DZIP1L: variants seen among roughly 807,000 people sequenced by gnomAD.
The protein encoded by DZIP1L is cilium assembly protein DZIP1L.
A neutral mutation model predicts 88.7 loss-of-function variants in DZIP1L; 90 were observed. The observed-to-expected ratio is 1.02, with a 90% confidence interval of 0.86 to 1.21. DZIP1L has a LOEUF of 1.21. DZIP1L is among the 50% of genes most tolerant of loss of function. The pLI, the probability that DZIP1L is intolerant of heterozygous loss-of-function variation, is 0.00. For missense variants in DZIP1L, 932 were observed against 955.8 expected (o/e 0.98, Z 0.33); for synonymous variants, 363 against 372.1 (o/e 0.98, Z 0.28).
intron 9 of DZIP1L, 136 bp from the exon 10 acceptor site, chr3:138,080,756 G>T (rs1262836392): frequency 1.4e-6 from 1 of 735,010 alleles, no homozygotes. Context: ...CTGGAGAGAG[G>T]CAGGACAGAG....
intron 3 of DZIP1L, among the ~76,000 whole-genome samples, chr3:138,096,209 G>T (rs1161406370): frequency 1.3e-5 from 2 of 152,204 alleles, no homozygotes; most frequent in Non-Finnish European, 2.9e-5. Flanking sequence ...TGTGAATAAA[G>T]AGGCCATGAC....
chr3:138,103,714 C>T lies in DZIP1L; in HGVS notation c.258G>A (p.Val86=). ...CAATGATGAGCTGCGCCAGGCGCAGCACCTTGAGCAGTGCCGGGTCCACAG... is the reference window on the plus strand; with the variant it reads ...CAATGATGAGCTGCGCCAGGCGCAGTACCTTGAGCAGTGCCGGGTCCACAG... The part of the protein sequence containing the change: ...GQPVDPALLK[V]LRLAQLIIEY... Residue 86 remains valine (V), a synonymous_variant, in exon 2 of 16, where the codon GTG becomes GTA. Coordinates refer to ENST00000327532, the MANE Select transcript of DZIP1L (RefSeq NM_173543.3). 3 of 1,613,276 alleles carry T rather than the reference C, an allele frequency of 1.9e-6. No individual in the cohort carries two copies. Among genetic ancestry groups the T allele is most frequent in the East Asian group, 2.2e-5 (1 of 44,874 alleles).
chr3:138,109,006 T>C (rs1000875923), intron 1 of DZIP1L, among the ~76,000 whole-genome samples: 1 of 152,180 alleles, frequency 6.6e-6, no homozygotes, highest in Non-Finnish European at 1.5e-5. Context: ...CATTAGGGAT[T>C]GTGGCAAACC....
At chr3:138,080,869 C>A (rs766515558) in intron 9 of DZIP1L, among the ~76,000 whole-genome samples, 3 of 152,172 alleles carry the variant, frequency 2.0e-5, no homozygotes, top group Non-Finnish European at 2.9e-5. Context: ...CCTGGGTTTC[C>A]CCATCTAGAA....
intron 2 of DZIP1L, chr3:138,102,621 G>C (rs1464076839): frequency 2.0e-6 from 3 of 1,463,758 alleles, no homozygotes; most frequent in East Asian, 2.3e-5. Flanking sequence ...CAAACTTGTT[G>C]TTGAGGGTCT....
intron 14 of DZIP1L, 136 bp downstream of exon 14, chr3:138,067,395 A>G: frequency 9.6e-7 from 1 of 1,038,726 alleles, no homozygotes; most frequent in Non-Finnish European, 1.3e-6. Flanking sequence ...ATCCTTTCCA[A>G]GCCAAATAGA....
At position 138,104,005 on chromosome 3, in the gene DZIP1L, AG is replaced by A; in HGVS notation, c.-35del. On this transcript the variant is annotated 5_prime_UTR_variant, in exon 2 of 16. Transcript: ENST00000327532. ...GAAGCCCTGAGCTGACCACCAGAGG[AG>A]GGGGGCACCAAGGCCACGGCAGTAG... 6.3e-7 allele frequency: 1 copy of A among 1,580,312 alleles called. No individual in the cohort carries two copies.
intron 5 of DZIP1L, among the ~76,000 whole-genome samples, chr3:138,089,511 T>G (rs961523977): frequency 6.6e-6 from 1 of 152,238 alleles, no homozygotes; most frequent in African/African-American, 2.4e-5. Flanking sequence ...CTCAGACTTC[T>G]GTATCAGGGA....
intron 5 of DZIP1L, among the ~76,000 whole-genome samples, chr3:138,090,180 TA>T (rs952893934): frequency 6.0e-5 from 9 of 151,242 alleles, no homozygotes; most frequent in Non-Finnish European, 1.2e-4. Flanking sequence ...AATTAAAAAT[TA>T]AAAAAAAGAT....
chr3:138,063,159 C>CT lies in DZIP1L; in HGVS notation c.2143-183dup, dbSNP rs2107725886. ...AAGTCTTCCTGCCTTTGAGAACCTGCTTTAGTGACCTGGGATCAGGGTGAT... is the reference window on the plus strand; with the variant it reads ...AAGTCTTCCTGCCTTTGAGAACCTGCTTTTAGTGACCTGGGATCAGGGTGAT... On this transcript the variant is annotated intron_variant, in intron 15 of 15. Transcript: ENST00000327532. The surrounding 1 kb of genome is among the most constrained non-coding windows in gnomAD (Gnocchi z 4.1). Among the ~76,000 whole-genome samples the CT allele has an allele frequency of 6.6e-6, 1 of 152,290 alleles. No individual in the cohort carries two copies. The highest frequency in any genetic ancestry group is 2.1e-4 in the South Asian group (1 of 4,830).
rs753109957 is a variant in DZIP1L at position 138,067,493 on chromosome 3, G to A, written c.2002+38C>T. 53 of 1,547,864 alleles carry A rather than the reference G, an allele frequency of 3.4e-5. No homozygotes were observed. In the Middle Eastern group the frequency reaches 6.6e-4, roughly 19 times the overall value. ...ATCTGGGCTGGAGAAGGGCTACACCGGTGGTCCCAGCCCACTCACCCAAAG... is the reference window on the plus strand; with the variant it reads ...ATCTGGGCTGGAGAAGGGCTACACCAGTGGTCCCAGCCCACTCACCCAAAG... On this transcript the variant is annotated intron_variant, in intron 14 of 15. Coordinates refer to ENST00000327532, the MANE Select transcript of DZIP1L (RefSeq NM_173543.3).
In DZIP1L at chr3:138,084,101, G is replaced by A; in HGVS notation, c.1203+12C>T. 6.2e-7 allele frequency: 1 copy of A among 1,612,778 alleles called. No homozygotes were observed. Among genetic ancestry groups the A allele is most frequent in the Non-Finnish European group, 8.5e-7 (1 of 1,179,356 alleles). Reference sequence around the variant, plus strand: ...GACACCAAGGCCTGGCTGAAAGGAAGGGCAGACCTACCATCTCCTCCTGGG... The same window carrying A: ...GACACCAAGGCCTGGCTGAAAGGAAAGGCAGACCTACCATCTCCTCCTGGG... On this transcript the variant is annotated intron_variant, in intron 8 of 15. Transcript: ENST00000327532.
chr3:138,096,435 T>TA (rs1211506292), intron 3 of DZIP1L, among the ~76,000 whole-genome samples: 3 of 152,148 alleles, frequency 2.0e-5, no homozygotes, highest in African/African-American at 7.2e-5. Flanking sequence ...ATTCAGCCAT[T>TA]AAAAAATCAC....
At chr3:138,114,963 C>CTTT (rs1336723109) in intron 1 of DZIP1L, among the ~76,000 whole-genome samples, 60 of 152,362 alleles carry the variant, frequency 3.9e-4, no homozygotes, top group African/African-American at 1.4e-3. Flanking sequence ...TCATCAAGCC[C>CTTT]TCCCAAATCA....
At chr3:138,100,862 C>T (rs1467745024) in intron 2 of DZIP1L, among the ~76,000 whole-genome samples, 2 of 152,202 alleles carry the variant, frequency 1.3e-5, no homozygotes, top group South Asian at 2.1e-4. Flanking sequence ...CTAATCCATA[C>T]TTCCATGGAG....
Position 138,063,091 on chromosome 3 carries a change from T to A in DZIP1L, c.2143-114A>T, listed in dbSNP as rs544866393. The A allele has an allele frequency of 1.1e-4, 132 of 1,200,842 alleles. No individual in the cohort carries two copies. In the African/African-American group the frequency reaches 1.6e-3, roughly 15 times the overall value. 74.4% of individuals were successfully genotyped at this position (1,200,842 alleles called of 1,614,324 possible). A position where few individuals can be genotyped will look rare whatever the true frequency, so the allele number is the denominator to read the frequency against. ...AATGGAAATGGGGACAAATGCAGAC[T>A]GGGAAGAAAGCAATAGGGAGATGCT... On this transcript the variant is annotated intron_variant, in intron 15 of 15. Transcript: ENST00000327532. The surrounding 1 kb of genome is among the most constrained non-coding windows in gnomAD (Gnocchi z 4.1).
At chr3:138,079,314 G>A (rs886825263) in intron 10 of DZIP1L, among the ~76,000 whole-genome samples, 3 of 152,150 alleles carry the variant, frequency 2.0e-5, no homozygotes, top group African/African-American at 7.2e-5. Context: ...AAAGTGATAC[G>A]CAATTCTAAT....
intron 7 of DZIP1L, 90 bp downstream of exon 7, chr3:138,086,871 A>G: frequency 1.5e-6 from 2 of 1,331,426 alleles, no homozygotes; most frequent in Admixed American, 1.9e-5. Flanking sequence ...GAGATAGGGG[A>G]GATGGTGGGT....
intron 9 of DZIP1L, 113 bp downstream of exon 9, chr3:138,081,621 G>C: frequency 9.2e-7 from 1 of 1,090,938 alleles, no homozygotes; most frequent in Non-Finnish European, 1.3e-6. Flanking sequence ...ATGTCCACAG[G>C]CTGCTGTCAC....
Sources: allele counts gnomAD v4.1 joint callset (sites outside exome capture counted in the v4.1 genomes callset), GRCh38; gene constraint gnomAD v4.1.1; non-coding constraint Gnocchi (gnomAD v3.1); transcripts MANE v1.5; gene names NCBI Gene and HGNC (gene_info 2026-07-23, HGNC 2026-07-21).